Variants in GMDS observed in about 807,000 individuals in gnomAD.
GMDS encodes the protein GDP-mannose 4,6-dehydratase.
Under a neutral mutation model 49.9 loss-of-function variants are expected in GMDS, and 20 were observed. That is an observed-to-expected ratio of 0.40 (90% CI 0.28 to 0.58). The LOEUF is 0.58. Among genes scored for constraint, GMDS ranks in the 20% least tolerant of loss-of-function variants. The pLI is 0.42. For missense variants in GMDS, 362 were observed against 481.4 expected (o/e 0.75, Z 2.32); for synonymous variants, 177 against 178.6 (o/e 0.99, Z 0.07).
chr6:1,941,913 C>G (rs979795887), intron 6 of GMDS, among the ~76,000 whole-genome samples: 2 of 152,140 alleles, frequency 1.3e-5, no homozygotes, highest in African/African-American at 4.8e-5. Flanking sequence ...AAACACACAC[C>G]CCATCCTGAC....
At chr6:1,983,605 C>G (rs914399325) in intron 4 of GMDS, among the ~76,000 whole-genome samples, 1 of 151,960 alleles carries the variant, frequency 6.6e-6, no homozygotes, top group Non-Finnish European at 1.5e-5. Flanking sequence ...ATGTGGCCAA[C>G]AAGCATTTGA....
chr6:1,898,120 C>A (rs1214431326), intron 7 of GMDS, among the ~76,000 whole-genome samples: 2 of 121,792 alleles, frequency 1.6e-5, no homozygotes, highest in African/African-American at 6.1e-5. Flanking sequence ...CCCTTGCCAT[C>A]CTGGACACCT....
intron 1 of GMDS, among the ~76,000 whole-genome samples, chr6:2,163,195 G>A (rs1159987782): frequency 1.2e-4 from 18 of 152,010 alleles, no homozygotes; most frequent in Non-Finnish European, 4.4e-5. Context: ...CAGTGAACAG[G>A]GACTATAAAA....
intron 1 of GMDS, among the ~76,000 whole-genome samples, chr6:2,141,840 T>A (rs1015440429): frequency 8.7e-5 from 13 of 150,188 alleles, no homozygotes; most frequent in Non-Finnish European, 1.8e-4. Context: ...CACTGGGAAG[T>A]CTGGGTTTGG....
intron 7 of GMDS, among the ~76,000 whole-genome samples, chr6:1,846,092 T>TC (rs1490425491): frequency 6.6e-6 from 1 of 150,422 alleles, no homozygotes; most frequent in East Asian, 1.9e-4. Flanking sequence ...TTTTTTTTTT[T>TC]TTTTTTTTCC....
chr6:1,686,434 G>A (rs1581458206), intron 9 of GMDS, among the ~76,000 whole-genome samples: 1 of 152,222 alleles, frequency 6.6e-6, no homozygotes, highest in Non-Finnish European at 1.5e-5. Context: ...GGAAGCTGAT[G>A]AGTGAGTGTC....
At chr6:1,695,368 C>T (rs1014935851) in intron 9 of GMDS, among the ~76,000 whole-genome samples, 35 of 152,218 alleles carry the variant, frequency 2.3e-4, no homozygotes, top group Admixed American at 2.0e-3. Flanking sequence ...TGAGGCCTCA[C>T]ATCAGTAATC....
At chr6:1,808,731 A>T (rs1040463056) in intron 7 of GMDS, among the ~76,000 whole-genome samples, 3 of 152,264 alleles carry the variant, frequency 2.0e-5, no homozygotes, top group Non-Finnish European at 4.4e-5. Context: ...ACTTATCTTG[A>T]GAATTTCAAG....
intron 7 of GMDS, among the ~76,000 whole-genome samples, chr6:1,912,937 T>C (rs1761145026): frequency 6.6e-6 from 1 of 152,244 alleles, no homozygotes; most frequent in Non-Finnish European, 1.5e-5. Flanking sequence ...ATTGCCCTTC[T>C]GGATGAGACT....
Position 1,985,830 on chromosome 6 carries a change from C to G in GMDS, c.346-24864G>C, listed in dbSNP as rs951413422. 2.6e-5 allele frequency among the ~76,000 whole-genome samples: 4 copies of G among 152,094 alleles called. No homozygotes were observed. In the South Asian group the frequency reaches 8.3e-4, roughly 32 times the overall value. On this transcript the variant is annotated intron_variant, in intron 4 of 10. Coordinates refer to ENST00000380815, the MANE Select transcript of GMDS (RefSeq NM_001500.4). Reference sequence around the variant, plus strand: ...CAAGGAAGAGGCGGGCTACTAAAACCGAGATCTTCAAGAACTGAAAGGTGG... The same window carrying G: ...CAAGGAAGAGGCGGGCTACTAAAACGGAGATCTTCAAGAACTGAAAGGTGG...
At chr6:2,202,361 G>T (rs1779586030) in intron 1 of GMDS, among the ~76,000 whole-genome samples, 1 of 148,770 alleles carries the variant, frequency 6.7e-6, no homozygotes, top group Non-Finnish European at 1.5e-5. Flanking sequence ...AACCATCTAG[G>T]CAGTGAGGGC....
intron 6 of GMDS, among the ~76,000 whole-genome samples, chr6:1,933,467 A>G (rs973250458): frequency 2.6e-5 from 4 of 152,248 alleles, no homozygotes; most frequent in African/African-American, 9.6e-5. Context: ...ATGTGGCTGC[A>G]CCACTTTACA....
chr6:2,180,648 T>C (rs1778479723), intron 1 of GMDS, among the ~76,000 whole-genome samples: 1 of 152,048 alleles, frequency 6.6e-6, no homozygotes, highest in African/African-American at 2.4e-5. Context: ...TATATATAAA[T>C]AAATAAATAA....
intron 4 of GMDS, among the ~76,000 whole-genome samples, chr6:2,005,357 A>T (rs7771247): frequency 0.67 from 101,785 of 151,998 alleles, 34,397 homozygotes; most frequent in Middle Eastern, 0.73. Context: ...CATAATGGCC[A>T]TTTACCCCTC....
chr6:1,855,689 T>C (rs1757910330), intron 7 of GMDS, among the ~76,000 whole-genome samples: 2 of 152,166 alleles, frequency 1.3e-5, no homozygotes, highest in Non-Finnish European at 2.9e-5. Context: ...TTAACCAAAA[T>C]ACAGTCTGAG....
chr6:1,978,869 C>G (rs115159273), intron 4 of GMDS, among the ~76,000 whole-genome samples: 1,548 of 152,260 alleles, frequency 0.01, 10 homozygotes, highest in Non-Finnish European at 0.016. Context: ...GGTCAGTACC[C>G]TTGTGGGATG....
At chr6:2,240,022 C>T (rs978957984) in intron 1 of GMDS, among the ~76,000 whole-genome samples, 6 of 152,148 alleles carry the variant, frequency 3.9e-5, no homozygotes, top group African/African-American at 1.2e-4. Flanking sequence ...CCTTTTATCC[C>T]AGGACTGCAA....
At chr6:2,033,274 G>T (rs1446246247) in intron 4 of GMDS, among the ~76,000 whole-genome samples, 1 of 152,158 alleles carries the variant, frequency 6.6e-6, no homozygotes, top group East Asian at 1.9e-4. Flanking sequence ...CATGTGGTTA[G>T]GAGTAAAGAA....
chr6:2,141,360 A>C (rs1200825753), intron 1 of GMDS, among the ~76,000 whole-genome samples: 4 of 152,234 alleles, frequency 2.6e-5, no homozygotes, highest in Non-Finnish European at 5.9e-5. Flanking sequence ...TCATGACCTA[A>C]ACTGGACACA....
Sources: allele counts gnomAD v4.1 joint callset (sites outside exome capture counted in the v4.1 genomes callset), GRCh38; gene constraint gnomAD v4.1.1; transcripts MANE v1.5; gene names NCBI Gene and HGNC (gene_info 2026-07-23, HGNC 2026-07-21).